DHX9: variants seen among roughly 807,000 people sequenced by gnomAD.
DHX9 encodes ATP-dependent RNA helicase A.
In DHX9, 27 loss-of-function variants were observed where a neutral mutation model predicts 148.7. That is an observed-to-expected ratio of 0.18 (90% CI 0.13 to 0.25). The LOEUF is 0.25. Ranked by LOEUF, DHX9 falls within the 10% of genes least tolerant of loss-of-function variation. The pLI, the probability that DHX9 is intolerant of heterozygous loss-of-function variation, is 1.00. For missense variants in DHX9, 796 were observed against 1,559.6 expected, an observed-to-expected ratio of 0.51 and a Z score of 8.25; for synonymous variants, 529 against 516.6, an observed-to-expected ratio of 1.02 and a Z score of -0.33.
intron 14 of DHX9, among the ~76,000 whole-genome samples, chr1:182,871,814 C>T (rs572881025): frequency 2.6e-5 from 4 of 152,220 alleles, no homozygotes; most frequent in Admixed American, 6.5e-5. Context: ...AAAATATAGT[C>T]GGCCGAGGCG....
chr1:182,884,497 ATTAATGC>A (rs1649231292), intron 26 of DHX9, 109 bp from the exon 27 acceptor site: 1 of 921,618 alleles, frequency 1.1e-6, no homozygotes, highest in East Asian at 2.6e-5. Flanking sequence ...TTTTTTTAAT[ATTAATGC>A]TTAAGAAGTT....
intron 12 of DHX9, among the ~76,000 whole-genome samples, chr1:182,865,467 A>T (rs1018164675): frequency 6.6e-6 from 1 of 152,240 alleles, no homozygotes; most frequent in Admixed American, 6.5e-5. Flanking sequence ...AATTCAAGAA[A>T]ATGGTGACAT....
chr1:182,878,283 G>C, intron 20 of DHX9, 110 bp downstream of exon 20: 1 of 1,248,804 alleles, frequency 8.0e-7, no homozygotes, highest in Non-Finnish European at 1.1e-6. Flanking sequence ...AGTCTTGCCA[G>C]CCATGTTGGA....
chr1:182,858,824 C>G lies in DHX9; in HGVS notation c.992C>G (p.Pro331Arg). Residue 331 changes from proline to arginine, a missense_variant, in exon 10 of 28, where the codon CCT (proline) becomes CGT (arginine). Around this residue, in one of 14 missense-constraint regions of DHX9, gnomAD observed 11 missense variants for 42.5 expected, o/e 0.26. Coordinates refer to ENST00000367549, the MANE Select transcript of DHX9 (RefSeq NM_001357.5). ...SQRQNQVGVVPWSPPQSNWNP... is the reference protein window; with the variant it reads ...SQRQNQVGVVRWSPPQSNWNP... The stretch of plus-strand genomic sequence containing the variant: ...CGACAAAACCAAGTGGGTGTGGTTC[C>G]TTGGTCACCTCCACAATCCAACTGG... The G allele has an allele frequency of 6.2e-7, 1 of 1,614,128 alleles. No individual in the cohort carries two copies. The highest frequency in any genetic ancestry group is 8.5e-7 in the Non-Finnish European group (1 of 1,180,026).
At chr1:182,849,488 C>G (rs1668093317) in intron 3 of DHX9, among the ~76,000 whole-genome samples, 1 of 152,148 alleles carries the variant, frequency 6.6e-6, no homozygotes, top group Admixed American at 6.5e-5. Context: ...TTAATGTTTA[C>G]ATTTTCCTGA....
chr1:182,880,515 C>G lies in DHX9; in HGVS notation c.2531C>G (p.Ala844Gly). The change falls in exon 22 of 28, where the codon GCC becomes GGC. Residue 844 changes from alanine (A) to glycine (G), a missense_variant. By Grantham distance (60) the Ala-to-Gly change is moderately conservative (BLOSUM62 0). Coordinates refer to ENST00000367549, the MANE Select transcript of DHX9 (RefSeq NM_001357.5). ...CCCACAGAGCTTGATGCATTAGATG[C>G]CAATGATGAGTTGACTCCTTTGGGA... is the stretch of plus-strand genomic sequence containing the variant. ...HTLRELDALD[A>G]NDELTPLGRI... 1.2e-6 allele frequency: 2 copies of G among 1,612,642 alleles called. No homozygotes were observed. The highest frequency in any genetic ancestry group is 1.7e-6 in the Non-Finnish European group (2 of 1,178,872).
At chr1:182,868,647 C>G (rs1400222098) in intron 14 of DHX9, among the ~76,000 whole-genome samples, 9 of 151,482 alleles carry the variant, frequency 5.9e-5, no homozygotes, top group Admixed American at 5.9e-4. Context: ...TCCCAAGTAG[C>G]TGGGATTACA....
intron 18 of DHX9, 80 bp from the exon 19 acceptor site, chr1:182,876,750 T>G: frequency 9.0e-7 from 1 of 1,108,060 alleles, no homozygotes; most frequent in Non-Finnish European, 1.3e-6. Context: ...TCTTGTCATT[T>G]GTTACATACA....
At chr1:182,884,554 T>G in intron 26 of DHX9, 59 bp from the exon 27 acceptor site, 1 of 1,436,062 alleles carries the variant, frequency 7.0e-7, no homozygotes. Context: ...AGTTGAGAGA[T>G]AATGGTCTTT....
At chr1:182,847,808 A>G (rs1418032120) in intron 3 of DHX9, among the ~76,000 whole-genome samples, 2 of 151,982 alleles carry the variant, frequency 1.3e-5, no homozygotes, top group Non-Finnish European at 2.9e-5. Flanking sequence ...TCAAGAATCT[A>G]CCTGCTTTTT....
At chr1:182,852,646 T>C (rs540059269) in intron 4 of DHX9, among the ~76,000 whole-genome samples, 10 of 152,362 alleles carry the variant, frequency 6.6e-5, no homozygotes, top group Admixed American at 2.0e-4. Flanking sequence ...TTGTTCCTTA[T>C]TCTTACTAAA....
intron 3 of DHX9, among the ~76,000 whole-genome samples, chr1:182,850,877 T>C (rs1028989129): frequency 3.9e-5 from 6 of 152,278 alleles, no homozygotes; most frequent in African/African-American, 1.4e-4. Flanking sequence ...TTTTGAAATG[T>C]TAAAAAAGGA....
intron 3 of DHX9, among the ~76,000 whole-genome samples, chr1:182,843,693 C>T (rs541012989): frequency 6.6e-6 from 1 of 152,222 alleles, no homozygotes; most frequent in Non-Finnish European, 1.5e-5. Flanking sequence ...TGTATTTATA[C>T]ACCAGAAATT....
intron 6 of DHX9, among the ~76,000 whole-genome samples, chr1:182,854,610 G>A (rs1383147563): frequency 6.6e-6 from 1 of 151,566 alleles, no homozygotes; most frequent in Non-Finnish European, 1.5e-5. Flanking sequence ...AGATTGTATT[G>A]CATCTACATC....
At chr1:182,857,169 A>G (rs981493061) in intron 7 of DHX9, among the ~76,000 whole-genome samples, 4 of 152,092 alleles carry the variant, frequency 2.6e-5, no homozygotes, top group Admixed American at 6.6e-5. Context: ...TCATTTTTAT[A>G]TATACAATGA....
chr1:182,869,422 C>T (rs150731957), intron 14 of DHX9, among the ~76,000 whole-genome samples: 9 of 152,158 alleles, frequency 5.9e-5, no homozygotes, highest in East Asian at 3.9e-4. Flanking sequence ...CAGTCTTATC[C>T]GGTTTGGCCT....
chr1:182,855,819 C>A, intron 6 of DHX9: 1 of 836,224 alleles, frequency 1.2e-6, no homozygotes, highest in African/African-American at 1.8e-5. Flanking sequence ...TGTATCTGAG[C>A]AGTGAAAGGA....
chr1:182,856,457 G>C, intron 6 of DHX9, 75 bp from the exon 7 acceptor site: 1 of 1,323,688 alleles, frequency 7.6e-7, no homozygotes, highest in Non-Finnish European at 1.1e-6. Context: ...TGGAAAGCCT[G>C]CCTGACTTGG....
In DHX9 at chr1:182,858,538, C is replaced by A. The variant is rs1334680560; in HGVS notation, c.811-13C>A. ...TTGAGTAGTGTTGTTAATGTGTGAT[C>A]CTTTTTCCATAGGTGGAGCCTTACA... On this transcript the variant is annotated splice_polypyrimidine_tract_variant and intron_variant, in intron 8 of 27. Coordinates refer to ENST00000367549, the MANE Select transcript of DHX9 (RefSeq NM_001357.5). 6.3e-7 allele frequency: 1 copy of A among 1,596,886 alleles called. No individual in the cohort carries two copies. The highest frequency in any genetic ancestry group is 8.6e-7 in the Non-Finnish European group (1 of 1,169,528).
Sources: gnomAD v4.1 joint callset for allele counts (sites outside exome capture counted in the v4.1 genomes callset) on GRCh38, gnomAD v4.1.1 for gene constraint, gnomAD v4.1.1 regional missense constraint, MANE v1.5 for transcripts, NCBI Gene and HGNC (gene_info 2026-07-23, HGNC 2026-07-21) for gene names.